Variants in GSTA3 observed in about 807,000 individuals in gnomAD.
GSTA3 encodes glutathione S-transferase alpha 3, also known as glutathione S-transferase A3.
In GSTA3, 16 loss-of-function variants were observed where a neutral mutation model predicts 23.1. The observed-to-expected ratio is 0.69, with a 90% CI of 0.47 to 1.05. The LOEUF (loss-of-function observed/expected upper bound fraction) is 1.05, where lower values mean the gene tolerates loss of function less well. Ranked by LOEUF, GSTA3 falls within the 50% of genes least tolerant of loss-of-function variation. The pLI, the probability that GSTA3 is intolerant of heterozygous loss-of-function variation, is 0.00. For synonymous variants in GSTA3, 122 were observed against 91.0 expected (o/e 1.34, Z -1.94); for missense variants, 319 against 263.6 (o/e 1.21, Z -1.46).
At chr6:52,903,112 G>A (rs555344216) in intron 3 of GSTA3, among the ~76,000 whole-genome samples, 1 of 152,084 alleles carries the variant, frequency 6.6e-6, no homozygotes, top group African/African-American at 2.4e-5. Context: ...ACAAGGAAAG[G>A]GCATTCTCAG....
At chr6:52,898,912 A>G (rs764721680) in intron 5 of GSTA3, among the ~76,000 whole-genome samples, 1 of 152,152 alleles carries the variant, frequency 6.6e-6, no homozygotes, top group Non-Finnish European at 1.5e-5. Flanking sequence ...GTTAGACTGC[A>G]CTGGCTAAAC....
In GSTA3 at chr6:52,896,685, A is replaced by T; in HGVS notation, c.*121T>A. Reference sequence around the variant, plus strand: ...GGAGTTTTTATTATTTAATTAGCATATAATTGGAAAGGGTTCATTAGCTTT... The same window carrying T: ...GGAGTTTTTATTATTTAATTAGCATTTAATTGGAAAGGGTTCATTAGCTTT... On this transcript the variant is annotated 3_prime_UTR_variant, in exon 7 of 7. Coordinates refer to ENST00000211122, the MANE Select transcript of GSTA3 (RefSeq NM_000847.5). The T allele has an allele frequency of 8.8e-7, 1 of 1,142,106 alleles. No homozygotes were observed. The highest frequency in any genetic ancestry group is 1.2e-6 in the Non-Finnish European group (1 of 804,012). 70.7% of individuals were successfully genotyped at this position (1,142,106 alleles called of 1,614,324 possible).
intron 6 of GSTA3, among the ~76,000 whole-genome samples, 189 bp downstream of exon 6, chr6:52,897,636 A>C (rs1278102166): frequency 6.6e-6 from 1 of 152,146 alleles, no homozygotes; most frequent in African/African-American, 2.4e-5. Flanking sequence ...ATGACCACAA[A>C]TTTCCTTTCC....
chr6:52,896,646 T>C lies in GSTA3; in HGVS notation c.*160A>G, dbSNP rs907834855. The C allele has an allele frequency of 5.4e-6, 4 of 745,630 alleles. No individual in the cohort carries two copies. The highest frequency in any genetic ancestry group is 8.1e-6 in the Non-Finnish European group (4 of 491,156). The allele number at this position is 745,630 out of a possible 1,614,324, so 46.2% of individuals were successfully genotyped here. ...CTAATGAAAAGGCTTAAATTTTAAC[T>C]AAGTTAGCAAATAGGAGTTTTTATT... On this transcript the variant is annotated 3_prime_UTR_variant, in exon 7 of 7. Transcript: ENST00000211122.
chr6:52,902,510 A>C (rs1409148167), intron 3 of GSTA3, 32 bp from the exon 4 acceptor site: 4 of 1,584,690 alleles, frequency 2.5e-6, no homozygotes, highest in African/African-American at 1.4e-5. Context: ...AGGAACATGA[A>C]ATTTCTATGA....
At chr6:52,903,621 C>T (rs956680214) in intron 3 of GSTA3, 55 bp downstream of exon 3, 37 of 908,090 alleles carry the variant, frequency 4.1e-5, no homozygotes, top group Non-Finnish European at 5.7e-5. Context: ...CAATCTTCAG[C>T]GGTACCTTCT....
intron 4 of GSTA3, among the ~76,000 whole-genome samples, chr6:52,902,041 G>C (rs772071948): frequency 1.3e-5 from 2 of 152,166 alleles, no homozygotes; most frequent in African/African-American, 4.8e-5. Context: ...GCCTCTGAAG[G>C]CTTGAGCACC....
At position 52,905,796 on chromosome 6, in the gene GSTA3, C is replaced by A. The variant is rs1158382989; in HGVS notation, c.39G>T (p.Arg13=). The change falls in exon 2 of 7, where the codon CGG becomes CGT. Residue 13 remains arginine (R), a synonymous_variant. Transcript: ENST00000211122. ...GKPKLHYFNG[R]GRMEPIRWLL... ...GCCACCGGATGGGCTCCATTCTGCC[C>A]CGTCCATTGAAGTAGTGAAGCTTGG... The A allele has an allele frequency of 1.2e-6, 2 of 1,610,994 alleles. No individual in the cohort carries two copies. Among genetic ancestry groups the A allele is most frequent in the South Asian group, 2.2e-5 (2 of 90,816 alleles).
intron 2 of GSTA3, among the ~76,000 whole-genome samples, chr6:52,904,715 T>C (rs551483219): frequency 2.6e-5 from 4 of 152,188 alleles, no homozygotes; most frequent in Non-Finnish European, 4.4e-5. Context: ...TGAGGGACTC[T>C]GGTCTGGACT....
rs1331200526 is a variant in GSTA3 at position 52,900,056 on chromosome 6, CTTCTGTA to C, written c.285_291del (p.Tyr95Ter). 6.2e-7 allele frequency: 1 copy of C among 1,611,380 alleles called. No homozygotes were observed. The highest frequency in any genetic ancestry group is 8.5e-7 in the Non-Finnish European group (1 of 1,179,160). On this transcript the variant is annotated frameshift_variant, in exon 5 of 7. Transcript: ENST00000211122. LOFTEE classifies it high-confidence loss of function. ...ATCATTTCATTCAAATCTGCCATACCTTCTGTATACATATCAATTCTGAAAGACAAAA... is the reference window on the plus strand; with the variant it reads ...ATCATTTCATTCAAATCTGCCATACCTACATATCAATTCTGAAAGACAAAA...
rs1416431397 is a variant in GSTA3, at chr6:52,902,347, G to A, written c.271C>T (p.Leu91=). 11 of 1,613,716 alleles carry A rather than the reference G, an allele frequency of 6.8e-6. No individual in the cohort carries two copies. Among genetic ancestry groups the A allele is most frequent in the African/African-American group, 1.3e-5 (1 of 74,996 alleles). The part of the protein sequence containing the change: ...LYGKDIKERA[L]IDMYTEGMAD... Reference sequence around the variant, plus strand: ...GGAAGAACACAAAATATACCGTACAGGGCTCTCTCCTTTATGTCTTTCCCG... The same window carrying A: ...GGAAGAACACAAAATATACCGTACAAGGCTCTCTCCTTTATGTCTTTCCCG... Residue 91 remains leucine (L), a splice_region_variant and synonymous_variant, in exon 4 of 7, where the codon CTA becomes TTA. Coordinates refer to ENST00000211122, the MANE Select transcript of GSTA3 (RefSeq NM_000847.5).
At chr6:52,900,104 A>G (rs1156270759) in intron 4 of GSTA3, 29 bp from the exon 5 acceptor site, 4 of 1,586,554 alleles carry the variant, frequency 2.5e-6, no homozygotes, top group African/African-American at 1.4e-5. Flanking sequence ...CAAAGCATCA[A>G]ATGCCTCTTG....
At chr6:52,902,675 C>G (rs907596268) in intron 3 of GSTA3, among the ~76,000 whole-genome samples, 197 bp from the exon 4 acceptor site, 16 of 152,142 alleles carry the variant, frequency 1.1e-4, no homozygotes, top group African/African-American at 3.9e-4. Context: ...ACCTTTTAGC[C>G]TGTTATTTCA....
chr6:52,903,580 C>T (rs1765774227), intron 3 of GSTA3, 96 bp downstream of exon 3: 3 of 661,990 alleles, frequency 4.5e-6, no homozygotes, highest in Non-Finnish European at 8.0e-6. Flanking sequence ...CTGGGCAACA[C>T]AGCGAGACTC....
chr6:52,898,757 A>G (rs1165583645), intron 5 of GSTA3, among the ~76,000 whole-genome samples: 1 of 152,176 alleles, frequency 6.6e-6, no homozygotes, highest in East Asian at 1.9e-4. Context: ...AGGTACTTCT[A>G]TATAGAAGGG....
chr6:52,899,327 C>G (rs940994152), intron 5 of GSTA3, among the ~76,000 whole-genome samples: 3 of 152,150 alleles, frequency 2.0e-5, no homozygotes, highest in Admixed American at 2.0e-4. Context: ...AATTCATCAT[C>G]TTTCTTGCAA....
In GSTA3 at chr6:52,903,767, TCCATAGCATTACAGA is replaced by T. The variant is rs765614541; in HGVS notation, c.88-55_88-41del. On this transcript the variant is annotated intron_variant, in intron 2 of 6. Coordinates refer to ENST00000211122, the MANE Select transcript of GSTA3 (RefSeq NM_000847.5). ...AGTAAATGGGTTCTTGTTAGTTCGT[TCCATAGCATTACAGA>T]CTTGTGACCTTGAATGGCCTCCATC... 4.2e-6 allele frequency: 5 copies of T among 1,201,142 alleles called. No homozygotes were observed. The South Asian group carries it at 6.1e-5, about 15-fold the overall frequency. 74.4% of individuals were successfully genotyped at this position (1,201,142 alleles called of 1,614,324 possible).
intron 1 of GSTA3, among the ~76,000 whole-genome samples, chr6:52,907,244 A>G (rs999366788): frequency 1.8e-5 from 2 of 114,276 alleles, no homozygotes; most frequent in Non-Finnish European, 3.4e-5. Context: ...ACTGGCCATC[A>G]GAGAAATGCA....
chr6:52,907,588 G>C (rs1275660531), intron 1 of GSTA3, among the ~76,000 whole-genome samples: 1 of 151,060 alleles, frequency 6.6e-6, no homozygotes, highest in African/African-American at 2.4e-5. Context: ...GTCCAACAAT[G>C]ACAGACTGGA....
Sources: allele counts gnomAD v4.1 joint callset (sites outside exome capture counted in the v4.1 genomes callset), GRCh38; gene constraint gnomAD v4.1.1; transcripts MANE v1.5; gene names NCBI Gene and HGNC (gene_info 2026-07-23, HGNC 2026-07-21).